Variants in USP47 observed in about 807,000 individuals in gnomAD.
USP47 encodes the protein ubiquitin specific peptidase 47.
USP47 carries 35 observed loss-of-function variants against 165.1 expected under a neutral mutation model. That is an observed-to-expected ratio of 0.21 (90% CI 0.16 to 0.28). The LOEUF is 0.28. Ranked by LOEUF, USP47 falls within the 10% of genes least tolerant of loss-of-function variation. The probability of loss-of-function intolerance (pLI) is 1.00; values close to 1 mark genes in which losing one functional copy is unlikely to be tolerated. For missense variants in USP47, 1,277 were observed against 1,607.4 expected, an observed-to-expected ratio of 0.79 and a Z score of 3.52; for synonymous variants, 531 against 544.5, an observed-to-expected ratio of 0.98 and a Z score of 0.35.
At chr11:11,915,618 C>T (rs1341285058) in intron 8 of USP47, among the ~76,000 whole-genome samples, 4 of 151,800 alleles carry the variant, frequency 2.6e-5, no homozygotes, top group African/African-American at 4.8e-5. Flanking sequence ...TACAAGAGGT[C>T]TCTGTATGTT....
At chr11:11,928,827 T>C (rs1351628616) in intron 11 of USP47, among the ~76,000 whole-genome samples, 2 of 152,048 alleles carry the variant, frequency 1.3e-5, no homozygotes, top group Non-Finnish European at 2.9e-5. Flanking sequence ...AATACTTAAG[T>C]TTGCCTAAAA....
chr11:11,943,008 A>G lies in USP47; in HGVS notation c.2987A>G (p.Asp996Gly), dbSNP rs1368666023. The G allele has an allele frequency of 1.2e-6, 2 of 1,613,512 alleles. No individual in the cohort carries two copies. Among genetic ancestry groups the G allele is most frequent in the Non-Finnish European group, 8.5e-7 (1 of 1,179,682 alleles). ...ACAGCAGAAGAAGACTCTGGAACTG[A>G]TAGTGAATATGATGAGAGTGGCAAG... is the stretch of plus-strand genomic sequence containing the variant. ...WDTAEEDSGT[D>G]SEYDESGKSR... The change falls in exon 20 of 28, where the codon GAT becomes GGT. Residue 996 changes from aspartate to glycine, a missense_variant. Coordinates refer to ENST00000527733, the MANE Select transcript of USP47 (RefSeq NM_001282659.2).
At chr11:11,892,836 A>AG (rs1176431698) in intron 4 of USP47, among the ~76,000 whole-genome samples, 3 of 64,872 alleles carry the variant, frequency 4.6e-5, no homozygotes, top group Non-Finnish European at 1.0e-4. Flanking sequence ...AAAAAAAAAG[A>AG]AAAAGAAAAA....
At chr11:11,869,104 C>T (rs1353612477) in intron 1 of USP47, among the ~76,000 whole-genome samples, 1 of 152,090 alleles carries the variant, frequency 6.6e-6, no homozygotes, top group African/African-American at 2.4e-5. Flanking sequence ...GCAGAGTAGG[C>T]ATTTTAAATT....
At chr11:11,917,466 C>T (rs916166088) in intron 8 of USP47, among the ~76,000 whole-genome samples, 2 of 152,006 alleles carry the variant, frequency 1.3e-5, no homozygotes, top group African/African-American at 2.4e-5. Flanking sequence ...GGTGGGAACA[C>T]GGGAACAGCA....
At position 11,905,402 on chromosome 11, in the gene USP47, G is replaced by C. The variant is rs1306160847; in HGVS notation, c.823G>C (p.Asp275His). 1 of 1,571,530 alleles carries C rather than the reference G, an allele frequency of 6.4e-7. No homozygotes were observed. ...AATGTAAATATTTTATTTTTAGGCT[G>C]ATCTTATAAATGAGCTATATCAAGG... ...EQKWKQTEQA[D>H]LINELYQGKL... The change falls in exon 8 of 28, where the codon GAT becomes CAT. Residue 275 changes from aspartate (D) to histidine (H), a missense_variant. Transcript: ENST00000527733.
intron 11 of USP47, among the ~76,000 whole-genome samples, chr11:11,923,645 C>G (rs1301074758): frequency 6.6e-6 from 1 of 152,134 alleles, no homozygotes; most frequent in Admixed American, 6.6e-5. Context: ...AGACTGATCA[C>G]TAACTCAGGT....
At chr11:11,883,295 C>T (rs1157630051) in intron 2 of USP47, among the ~76,000 whole-genome samples, 8 of 152,170 alleles carry the variant, frequency 5.3e-5, no homozygotes, top group Admixed American at 5.2e-4. Context: ...TTACTTAACA[C>T]GTCTTTTGCA....
At chr11:11,925,426 A>C (rs1054940596) in intron 11 of USP47, among the ~76,000 whole-genome samples, 2 of 151,676 alleles carry the variant, frequency 1.3e-5, no homozygotes, top group East Asian at 3.9e-4. Flanking sequence ...ATGGTTTTTC[A>C]CTGTATGAGT....
intron 27 of USP47, 115 bp downstream of exon 27, chr11:11,955,279 A>G: frequency 7.9e-7 from 1 of 1,269,424 alleles, no homozygotes. Context: ...ACTAACCGGT[A>G]GAAATACAGT....
chr11:11,943,330 A>G (rs1855613083), intron 20 of USP47: 2 of 378,304 alleles, frequency 5.3e-6, no homozygotes, highest in Non-Finnish European at 4.7e-6. Context: ...AAGTAAAAAA[A>G]AATAGTATTC....
intron 2 of USP47, among the ~76,000 whole-genome samples, chr11:11,882,783 A>G (rs773820689): frequency 1.4e-4 from 21 of 152,130 alleles, no homozygotes; most frequent in Non-Finnish European, 2.8e-4. Context: ...TTCCATTTCC[A>G]ATGTCAGCAT....
intron 1 of USP47, among the ~76,000 whole-genome samples, chr11:11,877,292 G>A (rs182876726): frequency 1.5e-3 from 227 of 152,290 alleles, no homozygotes; most frequent in African/African-American, 5.2e-3. Context: ...GTTAGCAATG[G>A]TGATTCTAAA....
chr11:11,877,010 G>C (rs974430722), intron 1 of USP47, among the ~76,000 whole-genome samples: 1 of 152,108 alleles, frequency 6.6e-6, no homozygotes, highest in African/African-American at 2.4e-5. Context: ...TTTGGTTAGG[G>C]CTACAAAGAA....
chr11:11,951,852 A>G (rs1196366876), intron 24 of USP47: 1 of 152,172 alleles, frequency 6.6e-6, no homozygotes, highest in Non-Finnish European at 1.5e-5. Context: ...CTGGGGTCGT[A>G]GGGAATAATC....
chr11:11,950,629 A>G, intron 24 of USP47, 147 bp downstream of exon 24: 1 of 597,066 alleles, frequency 1.7e-6, no homozygotes. Context: ...CGATATCCTT[A>G]TTATGGATTG....
At position 11,943,136 on chromosome 11, in the gene USP47, G is replaced by A. The variant is rs777801228; in HGVS notation, c.3091+24G>A. 7.0e-6 allele frequency: 11 copies of A among 1,572,206 alleles called. No individual in the cohort carries two copies. In the South Asian group the frequency reaches 1.1e-4, roughly 15 times the overall value. ...ATGTATGTACTTCAAAAGAAAAACGGTCCTTGAAACAGCATCAGTTTTTCT... is the reference window on the plus strand; with the variant it reads ...ATGTATGTACTTCAAAAGAAAAACGATCCTTGAAACAGCATCAGTTTTTCT... On this transcript the variant is annotated intron_variant, in intron 20 of 27. Transcript: ENST00000527733.
At chr11:11,898,123 G>A (rs976215585) in intron 5 of USP47, among the ~76,000 whole-genome samples, 15 of 139,438 alleles carry the variant, frequency 1.1e-4, no homozygotes, top group Non-Finnish European at 2.3e-4. Context: ...CTTGTTTCAT[G>A]TGCGTGTGTG....
At chr11:11,847,250 G>C (rs1848477786) in intron 1 of USP47, among the ~76,000 whole-genome samples, 1 of 151,238 alleles carries the variant, frequency 6.6e-6, no homozygotes, top group Non-Finnish European at 1.5e-5. Flanking sequence ...GAGATGATCT[G>C]ATTGTAGTTT....
Sources: gnomAD v4.1 joint callset for allele counts (sites outside exome capture counted in the v4.1 genomes callset) on GRCh38, gnomAD v4.1.1 for gene constraint, MANE v1.5 for transcripts, NCBI Gene and HGNC (gene_info 2026-07-23, HGNC 2026-07-21) for gene names.